SRGAP3: variants seen among roughly 807,000 people sequenced by gnomAD.
SRGAP3 encodes SLIT-ROBO Rho GTPase-activating protein 3.
SRGAP3 carries 39 observed loss-of-function variants against 121.1 expected under a neutral mutation model. That is an observed-to-expected ratio of 0.32 (90% CI 0.25 to 0.42). SRGAP3 has a LOEUF of 0.42. Among genes scored for constraint, SRGAP3 ranks in the 10% least tolerant of loss-of-function variants. The probability of loss-of-function intolerance (pLI) is 1.00; values close to 1 mark genes in which losing one functional copy is unlikely to be tolerated. For missense variants in SRGAP3, 1,213 were observed against 1,470.6 expected, an observed-to-expected ratio of 0.82 and a Z score of 2.86; for synonymous variants, 601 against 570.0, an observed-to-expected ratio of 1.05 and a Z score of -0.77.
At chr3:9,183,257 G>A (rs79250505) in intron 1 of SRGAP3, among the ~76,000 whole-genome samples, 11,002 of 152,220 alleles carry the variant, frequency 0.072, 518 homozygotes, top group Middle Eastern at 0.19. Flanking sequence ...TGTGCACAGT[G>A]CAGCCACGGC....
intron 4 of SRGAP3, among the ~76,000 whole-genome samples, chr3:9,074,468 C>G (rs1946865217): frequency 1.3e-5 from 2 of 152,210 alleles, no homozygotes; most frequent in South Asian, 4.1e-4. Flanking sequence ...GCACGCAGGG[C>G]TGCTTTCCAC....
chr3:9,067,163 T>C (rs1560060756), intron 4 of SRGAP3, among the ~76,000 whole-genome samples: 1 of 152,180 alleles, frequency 6.6e-6, no homozygotes, highest in Non-Finnish European at 1.5e-5. Context: ...TCATCATCAT[T>C]ATTATCCCTG....
At chr3:9,315,642 T>A (rs565870923) in intron 3 of SRGAP3, among the ~76,000 whole-genome samples, 1 of 152,202 alleles carries the variant, frequency 6.6e-6, no homozygotes, top group Non-Finnish European at 1.5e-5. Flanking sequence ...GATGGAAGAA[T>A]GTTTTCCATC....
At chr3:9,025,435 C>A (rs1306049069) in intron 13 of SRGAP3, 97 bp from the exon 14 acceptor site, 2 of 1,284,872 alleles carry the variant, frequency 1.6e-6, no homozygotes, top group Admixed American at 1.7e-5. Context: ...CATTGCTTGT[C>A]TCTTTCTCCC....
chr3:9,324,648 T>C (rs1955487656), intron 3 of SRGAP3, among the ~76,000 whole-genome samples: 1 of 151,834 alleles, frequency 6.6e-6, no homozygotes, highest in South Asian at 2.1e-4. Context: ...CCTCTCATAA[T>C]TTTGTTTAGA....
chr3:9,174,875 T>C (rs1434790849), intron 1 of SRGAP3, among the ~76,000 whole-genome samples: 2 of 152,192 alleles, frequency 1.3e-5, no homozygotes, highest in Non-Finnish European at 2.9e-5. Flanking sequence ...TGTAGGCTTG[T>C]TCCTGAGGCT....
intron 3 of SRGAP3, among the ~76,000 whole-genome samples, chr3:9,314,797 C>T (rs923144973): frequency 1.3e-5 from 2 of 152,150 alleles, no homozygotes; most frequent in Admixed American, 6.5e-5. Context: ...TGCCCCTCTA[C>T]AGAAACCAGC....
chr3:9,116,936 C>G (rs1387114325), intron 2 of SRGAP3, among the ~76,000 whole-genome samples: 1 of 152,204 alleles, frequency 6.6e-6, no homozygotes, highest in East Asian at 1.9e-4. Flanking sequence ...TGATGCCTAT[C>G]AGACATCCAG....
intron 18 of SRGAP3, among the ~76,000 whole-genome samples, chr3:8,994,756 C>A (rs1280738163): frequency 6.6e-6 from 1 of 152,200 alleles, no homozygotes; most frequent in Non-Finnish European, 1.5e-5. Context: ...AAAGAGGGAG[C>A]TGATACATGC....
intron 15 of SRGAP3, among the ~76,000 whole-genome samples, chr3:9,015,163 A>G (rs912760808): frequency 5.3e-5 from 8 of 152,132 alleles, no homozygotes; most frequent in Non-Finnish European, 8.8e-5. Flanking sequence ...AAGCTCTGGA[A>G]TGTCTGCAAG....
At chr3:9,236,609 T>G (rs146155273) in intron 1 of SRGAP3, among the ~76,000 whole-genome samples, 2 of 151,952 alleles carry the variant, frequency 1.3e-5, no homozygotes, top group Admixed American at 1.3e-4. Context: ...ACTCCTGCCA[T>G]GTAAGATGTG....
intron 3 of SRGAP3, among the ~76,000 whole-genome samples, chr3:9,099,075 T>C (rs1427786606): frequency 6.6e-6 from 1 of 152,192 alleles, no homozygotes; most frequent in Non-Finnish European, 1.5e-5. Flanking sequence ...AAACTTGGCT[T>C]TGAATCCAAG....
At chr3:9,167,666 T>G (rs1282938314) in intron 1 of SRGAP3, among the ~76,000 whole-genome samples, 1 of 152,204 alleles carries the variant, frequency 6.6e-6, no homozygotes, top group Non-Finnish European at 1.5e-5. Context: ...CATCCCCAGA[T>G]GTCCAGGGTG....
chr3:9,328,818 A>C (rs762407074), intron 2 of SRGAP3, among the ~76,000 whole-genome samples: 1 of 152,258 alleles, frequency 6.6e-6, no homozygotes, highest in Non-Finnish European at 1.5e-5. Flanking sequence ...CCCAGAAGGA[A>C]TCTAGAGTAG....
intron 1 of SRGAP3, among the ~76,000 whole-genome samples, chr3:9,147,088 CACAG>C (rs1950050480): frequency 6.6e-6 from 1 of 152,190 alleles, no homozygotes; most frequent in Non-Finnish European, 1.5e-5. Context: ...TTCCCTACAA[CACAG>C]ACAATACCAT....
chr3:9,047,332 AC>A, intron 10 of SRGAP3, 58 bp downstream of exon 10: 1 of 1,566,530 alleles, frequency 6.4e-7, no homozygotes, highest in Non-Finnish European at 8.8e-7. Flanking sequence ...TCAGGGGGCC[AC>A]AGTGAGAGCC....
intron 1 of SRGAP3, chr3:9,194,062 G>C (rs1339363635): frequency 6.6e-6 from 1 of 152,250 alleles, no homozygotes; most frequent in Non-Finnish European, 1.5e-5. Context: ...AAAGGCCTGA[G>C]TTGCAAAGGG....
chr3:9,161,926 T>C (rs188849909), intron 1 of SRGAP3, among the ~76,000 whole-genome samples: 3 of 152,270 alleles, frequency 2.0e-5, no homozygotes, highest in South Asian at 2.1e-4. Context: ...CAAGTGTCCA[T>C]GGGTAGATGG....
intron 1 of SRGAP3, among the ~76,000 whole-genome samples, chr3:9,138,821 T>C (rs1210292438): frequency 6.6e-6 from 1 of 152,220 alleles, no homozygotes; most frequent in East Asian, 1.9e-4. Flanking sequence ...AATTTCATGT[T>C]TAGACTTGGG....
Sources: allele counts gnomAD v4.1 joint callset (sites outside exome capture counted in the v4.1 genomes callset), GRCh38; gene constraint gnomAD v4.1.1; transcripts MANE v1.5; gene names NCBI Gene and HGNC (gene_info 2026-07-23, HGNC 2026-07-21).